Variants in IL1RAPL2 observed in about 807,000 individuals in gnomAD.
IL1RAPL2 encodes interleukin 1 receptor accessory protein like 2, also known as X-linked interleukin-1 receptor accessory protein-like 2.
In IL1RAPL2, 3 loss-of-function variants were observed where a neutral mutation model predicts 44.1. The ratio of observed to expected loss-of-function variants is 0.07; its 90% CI spans 0.03 to 0.18. The LOEUF (loss-of-function observed/expected upper bound fraction) is 0.18. IL1RAPL2 is among the 10% of genes least tolerant of loss of function. The pLI is 1.00. For missense variants in IL1RAPL2, 391 were observed against 496.4 expected, an observed-to-expected ratio of 0.79 and a Z score of 2.02; for synonymous variants, 181 against 178.8, an observed-to-expected ratio of 1.01 and a Z score of -0.10.
intron 3 of IL1RAPL2, among the ~76,000 whole-genome samples, chrX:105,233,355 T>C (rs2034090899): frequency 8.9e-6 from 1 of 112,164 alleles, no homozygotes; most frequent in Non-Finnish European, 1.9e-5. Context: ...GTTGATCTGG[T>C]TTTTAGTATA....
chrX:104,577,494 A>G (rs1928263291), intron 1 of IL1RAPL2, among the ~76,000 whole-genome samples: 1 of 111,909 alleles, frequency 8.9e-6, no homozygotes, highest in African/African-American at 3.3e-5. Context: ...GAAGGTGAAG[A>G]TATTAGTACA....
At chrX:104,625,776 C>T (rs1265880264) in intron 1 of IL1RAPL2, among the ~76,000 whole-genome samples, 1 of 111,497 alleles carries the variant, frequency 9.0e-6, no homozygotes, top group Non-Finnish European at 1.9e-5. Flanking sequence ...GGCTAGATTG[C>T]AGTTGGTGTT....
At chrX:105,617,856 G>C (rs1208518102) in intron 6 of IL1RAPL2, among the ~76,000 whole-genome samples, 2 of 111,467 alleles carry the variant, frequency 1.8e-5, no homozygotes, top group East Asian at 5.6e-4. Flanking sequence ...CTCTCTTTAA[G>C]GGATTATCTG....
intron 2 of IL1RAPL2, among the ~76,000 whole-genome samples, chrX:105,045,519 C>T (rs1001255710): frequency 1.5e-4 from 17 of 111,574 alleles, no homozygotes; most frequent in Non-Finnish European, 2.8e-4. Context: ...CTTTGCATTA[C>T]AAGCCTAGTA....
Position 105,463,601 on chromosome X carries a change from CAT to C in IL1RAPL2, c.698-20711_698-20710del, listed in dbSNP as rs758175678. 6.1e-5 allele frequency among the ~76,000 whole-genome samples: 6 copies of C among 98,996 alleles called. No individual in the cohort carries two copies. In the South Asian group the frequency reaches 2.7e-3, roughly 45 times the overall value. The allele number at this position is 98,996 out of a possible 115,157, so 86.0% of individuals were successfully genotyped here. A position where few individuals can be genotyped will look rare whatever the true frequency, so the allele number is the denominator to read the frequency against. On this transcript the variant is annotated intron_variant, in intron 5 of 10. Coordinates refer to ENST00000372582, the MANE Select transcript of IL1RAPL2 (RefSeq NM_017416.2). The stretch of plus-strand genomic sequence containing the variant: ...ACACACACACACACACACACACACA[CAT>C]GCACGCATACACTTGTGCCCACGTG...
At chrX:105,187,083 T>C (rs1447612063) in intron 2 of IL1RAPL2, among the ~76,000 whole-genome samples, 1 of 111,919 alleles carries the variant, frequency 8.9e-6, no homozygotes, top group Non-Finnish European at 1.9e-5. Context: ...GGCTGAACTC[T>C]ATCTGGTTCT....
At chrX:104,915,886 T>C (rs112331260) in intron 2 of IL1RAPL2, among the ~76,000 whole-genome samples, 1 of 111,648 alleles carries the variant, frequency 9.0e-6, no homozygotes, top group African/African-American at 3.3e-5. Context: ...TGTAGATATG[T>C]GGCATTATTT....
chrX:105,665,289 A>C (rs1349153277), intron 6 of IL1RAPL2, among the ~76,000 whole-genome samples: 1 of 110,988 alleles, frequency 9.0e-6, no homozygotes, highest in Non-Finnish European at 1.9e-5. Flanking sequence ...TTATAGCCCA[A>C]GGAGCTCAGC....
chrX:105,163,296 C>T (rs1346708319), intron 2 of IL1RAPL2, among the ~76,000 whole-genome samples: 1 of 111,925 alleles, frequency 8.9e-6, no homozygotes, highest in Non-Finnish European at 1.9e-5. Context: ...AAGCCTCCCT[C>T]GCTTTTGCCA....
chrX:105,717,257 G>T, intron 6 of IL1RAPL2, 110 bp from the exon 7 acceptor site: 5 of 635,151 alleles, frequency 7.9e-6, no homozygotes, highest in Non-Finnish European at 1.1e-5. Flanking sequence ...TAGAAAAAGA[G>T]TTGAAAATTG....
chrX:104,775,507 G>T, intron 2 of IL1RAPL2, among the ~76,000 whole-genome samples: 1 of 111,939 alleles, frequency 8.9e-6, no homozygotes, highest in Non-Finnish European at 1.9e-5. Flanking sequence ...CATTTCTGAA[G>T]GGTTTTGTTG....
chrX:105,225,193 A>G (rs1556187264), intron 3 of IL1RAPL2, among the ~76,000 whole-genome samples: 1 of 112,041 alleles, frequency 8.9e-6, no homozygotes, highest in African/African-American at 3.2e-5. Flanking sequence ...ATGGATTGCT[A>G]CATATATATG....
intron 6 of IL1RAPL2, among the ~76,000 whole-genome samples, chrX:105,685,505 A>C (rs372505446): frequency 1.8e-5 from 2 of 111,866 alleles, no homozygotes; most frequent in East Asian, 5.6e-4. Flanking sequence ...GTTAGAGAAA[A>C]AGAGTAAAAA....
At chrX:104,854,651 A>G (rs1053974945) in intron 2 of IL1RAPL2, among the ~76,000 whole-genome samples, 1 of 110,066 alleles carries the variant, frequency 9.1e-6, no homozygotes, top group Non-Finnish European at 1.9e-5. Flanking sequence ...CAAGAGAAAG[A>G]ATTTTTTTTT....
chrX:104,625,966 G>C (rs1929498832), intron 1 of IL1RAPL2, among the ~76,000 whole-genome samples: 1 of 110,802 alleles, frequency 9.0e-6, no homozygotes, highest in Non-Finnish European at 1.9e-5. Context: ...ATCCTTATCT[G>C]TAAACTGACA....
intron 2 of IL1RAPL2, among the ~76,000 whole-genome samples, chrX:104,832,712 TC>T (rs1185691898): frequency 2.7e-5 from 3 of 111,763 alleles, no homozygotes; most frequent in Non-Finnish European, 5.6e-5. Context: ...TTCTTGAGGT[TC>T]ACCAGAAAAA....
chrX:104,964,494 G>C (rs945312458), intron 2 of IL1RAPL2, among the ~76,000 whole-genome samples: 3 of 108,550 alleles, frequency 2.8e-5, no homozygotes, highest in South Asian at 4.1e-4. Flanking sequence ...TGTATTTTTA[G>C]TAGAGACGGG....
intron 5 of IL1RAPL2, among the ~76,000 whole-genome samples, chrX:105,374,136 A>G (rs1298822994): frequency 2.8e-5 from 3 of 105,899 alleles, no homozygotes; most frequent in African/African-American, 1.1e-4. Context: ...AAAAAAAAAA[A>G]GAAAGAAAGA....
chrX:105,722,008 G>T (rs1362002815), intron 7 of IL1RAPL2, among the ~76,000 whole-genome samples: 1 of 111,421 alleles, frequency 9.0e-6, no homozygotes, highest in East Asian at 2.8e-4. Flanking sequence ...CTAATGATGG[G>T]GATACGTTCT....
Sources: allele counts gnomAD v4.1 joint callset (sites outside exome capture counted in the v4.1 genomes callset), GRCh38; gene constraint gnomAD v4.1.1; transcripts MANE v1.5; gene names NCBI Gene and HGNC (gene_info 2026-07-23, HGNC 2026-07-21).